The following CLSTN2 variants were observed in gnomAD, a reference collection of about 807,000 sequenced individuals.
The protein encoded by CLSTN2 is calsyntenin 2.
CLSTN2 carries 48 observed loss-of-function variants against 101.2 expected under a neutral mutation model. The ratio of observed to expected loss-of-function variants is 0.47; its 90% CI spans 0.38 to 0.60. The LOEUF (loss-of-function observed/expected upper bound fraction) is 0.60, where lower values mean the gene tolerates loss of function less well. CLSTN2 is among the 20% of genes least tolerant of loss of function. The probability of loss-of-function intolerance (pLI) is 0.00; values close to 1 mark genes in which losing one functional copy is unlikely to be tolerated. For missense variants in CLSTN2, 1,160 were observed against 1,238.2 expected (o/e 0.94, Z 0.95); for synonymous variants, 481 against 463.6 (o/e 1.04, Z -0.48).
chr3:140,475,586 C>T (rs942397438), intron 8 of CLSTN2, among the ~76,000 whole-genome samples: 1 of 152,234 alleles, frequency 6.6e-6, no homozygotes, highest in African/African-American at 2.4e-5. Flanking sequence ...GTCTTACCCA[C>T]TTCCCCTGCT....
At position 140,131,305 on chromosome 3, in the gene CLSTN2, AT is replaced by A. The variant is rs34582203; in HGVS notation, c.110-44637del. Among the ~76,000 whole-genome samples the A allele has an allele frequency of 8.8e-4, 133 of 150,744 alleles. 2 individuals are homozygous for A. Among genetic ancestry groups the A allele is most frequent in the African/African-American group, 3.1e-3 (126 of 41,212 alleles). On this transcript the variant is annotated intron_variant, in intron 1 of 16. Coordinates refer to ENST00000458420, the MANE Select transcript of CLSTN2 (RefSeq NM_022131.3). ...GTTGCAAAGAATGAGTTTCTTTATG[AT>A]TTTTTTTTAATGCAATGATTCTCTA... is the stretch of plus-strand genomic sequence containing the variant.
chr3:140,279,192 C>T (rs2086823129), intron 2 of CLSTN2, among the ~76,000 whole-genome samples: 1 of 152,192 alleles, frequency 6.6e-6, no homozygotes, highest in African/African-American at 2.4e-5. Context: ...TGCAGGACTT[C>T]CCTATTCAGA....
chr3:140,161,679 C>G (rs937799049), intron 1 of CLSTN2, among the ~76,000 whole-genome samples: 1 of 152,052 alleles, frequency 6.6e-6, no homozygotes, highest in South Asian at 2.1e-4. Context: ...TCCTTTCTTT[C>G]TCTCCCCTCC....
Position 140,558,489 on chromosome 3 carries a change from T to C in CLSTN2, c.1824-151T>C. 6.8e-6 allele frequency: 4 copies of C among 591,984 alleles called. No individual in the cohort carries two copies. In the South Asian group the frequency reaches 9.3e-5, roughly 14 times the overall value. 36.7% of individuals were successfully genotyped at this position (591,984 alleles called of 1,614,324 possible). A position where few individuals can be genotyped will look rare whatever the true frequency, so the allele number is the denominator to read the frequency against. On this transcript the variant is annotated intron_variant, in intron 11 of 16. Coordinates refer to ENST00000458420, the MANE Select transcript of CLSTN2 (RefSeq NM_022131.3). ...AGTGGTTTTGATTATAATGTGGCTTTAAATTTGAATGTCTGTTGACATCCT... is the reference window on the plus strand; with the variant it reads ...AGTGGTTTTGATTATAATGTGGCTTCAAATTTGAATGTCTGTTGACATCCT...
chr3:140,263,873 C>T (rs554021020), intron 2 of CLSTN2, among the ~76,000 whole-genome samples: 3 of 152,200 alleles, frequency 2.0e-5, no homozygotes, highest in East Asian at 3.9e-4. Context: ...AGCTGAAGTC[C>T]TCCAGGCATT....
intron 2 of CLSTN2, among the ~76,000 whole-genome samples, chr3:140,258,922 T>C (rs2086625974): frequency 6.6e-6 from 1 of 152,196 alleles, no homozygotes; most frequent in Non-Finnish European, 1.5e-5. Context: ...TGGAAAATCA[T>C]GTATATATGC....
At chr3:140,525,916 A>G (rs559863043) in intron 8 of CLSTN2, among the ~76,000 whole-genome samples, 17 of 152,282 alleles carry the variant, frequency 1.1e-4, no homozygotes, top group Non-Finnish European at 2.2e-4. Flanking sequence ...TCAAAGGATC[A>G]TATCTCAAAA....
intron 1 of CLSTN2, among the ~76,000 whole-genome samples, chr3:140,020,913 T>C (rs992111948): frequency 8.5e-5 from 13 of 152,230 alleles, no homozygotes; most frequent in African/African-American, 4.8e-5. Flanking sequence ...CGTCTTCTAA[T>C]TGCCGATGGA....
chr3:140,376,005 A>G (rs1559852578), intron 2 of CLSTN2, among the ~76,000 whole-genome samples: 1 of 152,192 alleles, frequency 6.6e-6, no homozygotes, highest in Non-Finnish European at 1.5e-5. Flanking sequence ...TAGGATGTTT[A>G]AGCCTCATTA....
intron 1 of CLSTN2, among the ~76,000 whole-genome samples, chr3:140,073,155 G>C (rs1158345217): frequency 1.3e-5 from 2 of 152,094 alleles, no homozygotes; most frequent in Non-Finnish European, 2.9e-5. Flanking sequence ...TCATTTTCTT[G>C]TAAGATATCA....
intron 2 of CLSTN2, among the ~76,000 whole-genome samples, chr3:140,389,739 T>C (rs1374796440): frequency 6.6e-6 from 1 of 152,222 alleles, no homozygotes; most frequent in Non-Finnish European, 1.5e-5. Context: ...GACTGATTTA[T>C]ATTCCACCAA....
At chr3:139,940,436 A>T (rs949678671) in intron 1 of CLSTN2, among the ~76,000 whole-genome samples, 2 of 152,186 alleles carry the variant, frequency 1.3e-5, no homozygotes, top group African/African-American at 2.4e-5. Flanking sequence ...AATAGTTGTC[A>T]GGGCACTTAG....
rs60186664 is a variant in CLSTN2, at chr3:140,438,431, T to TAAAAAAAAAAAAAAAAAAAAAA, written c.788-10087_788-10066dup. On this transcript the variant is annotated intron_variant, in intron 5 of 16. Coordinates refer to ENST00000458420, the MANE Select transcript of CLSTN2 (RefSeq NM_022131.3). ...CCACCTAGGAAAATGGTCCTTTCATTAAAAAAAAAAAAAAAAAAAAAAGCT... is the reference window on the plus strand; with the variant it reads ...CCACCTAGGAAAATGGTCCTTTCATTAAAAAAAAAAAAAAAAAAAAAAAAAAAAAAAAAAAAAAAAAAAAGCT... Among the ~76,000 whole-genome samples, 9 of 45,676 alleles carry TAAAAAAAAAAAAAAAAAAAAAA rather than the reference T, an allele frequency of 2.0e-4. 3 individuals carry two copies. Among genetic ancestry groups the TAAAAAAAAAAAAAAAAAAAAAA allele is most frequent in the African/African-American group, 8.9e-4 (7 of 7,860 alleles). The allele number at this position is 45,676 out of a possible 152,430, so 30.0% of individuals were successfully genotyped here.
At chr3:140,400,176 G>A (rs1019891490) in intron 2 of CLSTN2, among the ~76,000 whole-genome samples, 50 of 152,152 alleles carry the variant, frequency 3.3e-4, no homozygotes, top group African/African-American at 1.1e-3. Flanking sequence ...TCTTGGGGAG[G>A]TCAGCTTCCT....
intron 8 of CLSTN2, among the ~76,000 whole-genome samples, chr3:140,467,264 A>G (rs1193927728): frequency 6.6e-6 from 1 of 152,202 alleles, no homozygotes; most frequent in Non-Finnish European, 1.5e-5. Flanking sequence ...GAGCCACTGC[A>G]TCATACTTTC....
chr3:139,951,153 G>A (rs138139789), intron 1 of CLSTN2, among the ~76,000 whole-genome samples: 138 of 152,182 alleles, frequency 9.1e-4, no homozygotes, highest in African/African-American at 2.9e-3. Context: ...GGTATGCTGG[G>A]GGCCATTCAA....
In CLSTN2 at chr3:140,022,276, C is replaced by T. The variant is rs146794983; in HGVS notation, c.109+86793C>T. Among the ~76,000 whole-genome samples, 24 of 152,334 alleles carry T rather than the reference C, an allele frequency of 1.6e-4. No homozygotes were observed. In the East Asian group the frequency reaches 4.6e-3, roughly 29 times the overall value. ...GGCTGGGGTGAGGAGGGAAGAAATA[C>T]AGGCCACAGAGGGCCTGAGCCATCC... is the stretch of plus-strand genomic sequence containing the variant. On this transcript the variant is annotated intron_variant, in intron 1 of 16. Transcript: ENST00000458420.
intron 1 of CLSTN2, among the ~76,000 whole-genome samples, chr3:139,999,559 G>A (rs1314424295): frequency 6.6e-6 from 1 of 152,092 alleles, no homozygotes; most frequent in East Asian, 1.9e-4. Context: ...CTTGGTCAGA[G>A]AGGGGCAGCT....
chr3:140,458,136 G>A (rs1025611132), intron 6 of CLSTN2, among the ~76,000 whole-genome samples: 6 of 151,824 alleles, frequency 4.0e-5, no homozygotes, highest in African/African-American at 1.2e-4. Context: ...TCTTCCTTGA[G>A]GAATCTTCAA....
Sources: allele counts gnomAD v4.1 joint callset (sites outside exome capture counted in the v4.1 genomes callset), GRCh38; gene constraint gnomAD v4.1.1; transcripts MANE v1.5; gene names NCBI Gene and HGNC (gene_info 2026-07-23, HGNC 2026-07-21).